The following ZNF385D variants were observed in gnomAD, a reference collection of about 807,000 sequenced individuals.
ZNF385D encodes zinc finger protein 385D, also known as zinc finger protein 659.
A neutral mutation model predicts 35.8 loss-of-function variants in ZNF385D; 15 were observed. The observed-to-expected ratio is 0.42, with a 90% CI of 0.28 to 0.64. The LOEUF is 0.64. Among genes scored for constraint, ZNF385D ranks in the 30% least tolerant of loss-of-function variants. The probability of loss-of-function intolerance (pLI) is 0.23; values close to 1 mark genes in which losing one functional copy is unlikely to be tolerated. For synonymous variants in ZNF385D, 212 were observed against 186.8 expected (o/e 1.13, Z -1.10); for missense variants, 474 against 494.6 (o/e 0.96, Z 0.39).
intron 3 of ZNF385D, among the ~76,000 whole-genome samples, chr3:22,164,054 T>A (rs1408073397): frequency 6.6e-6 from 1 of 152,146 alleles, no homozygotes; most frequent in African/African-American, 2.4e-5. Flanking sequence ...CAAAGGCACA[T>A]TTTAATAGTG....
intron 2 of ZNF385D, among the ~76,000 whole-genome samples, chr3:22,284,636 G>A (rs766971926): frequency 6.6e-6 from 1 of 151,952 alleles, no homozygotes; most frequent in Non-Finnish European, 1.5e-5. Flanking sequence ...AGCTGTAACT[G>A]AAAGGCCTAT....
chr3:22,144,059 G>A (rs1704690839), intron 3 of ZNF385D, among the ~76,000 whole-genome samples: 1 of 152,050 alleles, frequency 6.6e-6, no homozygotes. Context: ...AAATGTTGCT[G>A]GGGATATTTG....
At chr3:21,786,709 C>T (rs1272315953) in intron 3 of ZNF385D, among the ~76,000 whole-genome samples, 1 of 152,180 alleles carries the variant, frequency 6.6e-6, no homozygotes, top group East Asian at 1.9e-4. Context: ...ATTCATAAAA[C>T]CAAGTTGCAT....
At position 22,067,397 on chromosome 3, in the gene ZNF385D, C is replaced by A. The variant is rs561755767; in HGVS notation, c.325+101420G>T. Among the ~76,000 whole-genome samples, 58 of 152,240 alleles carry A rather than the reference C, an allele frequency of 3.8e-4. 1 individual carries two copies. In the South Asian group the frequency reaches 0.011, roughly 30 times the overall value. On this transcript the variant is annotated intron_variant, in intron 3 of 5. Transcript: ENST00000494108. ...TCATTTTATAGGTCACATAATGCAA[C>A]AGTTTATTTTAGCTCAGCAGGGCAA...
chr3:22,363,544 T>G (rs1559542540), intron 2 of ZNF385D, among the ~76,000 whole-genome samples: 1 of 152,184 alleles, frequency 6.6e-6, no homozygotes, highest in Non-Finnish European at 1.5e-5. Flanking sequence ...ATTCAATTCC[T>G]TCTTTATGAA....
intron 2 of ZNF385D, among the ~76,000 whole-genome samples, chr3:22,214,861 GCCTTGTGATATTCTATTA>G (rs67438149): frequency 0.19 from 28,503 of 151,712 alleles, 2,893 homozygotes; most frequent in African/African-American, 0.25. Context: ...GCCTCCATTT[GCCTTGTGATATTCTATTA>G]CCTTGTGAAG....
intron 2 of ZNF385D, among the ~76,000 whole-genome samples, chr3:22,336,909 C>CAAAACAAAAAAAA (rs1695186597): frequency 2.1e-5 from 1 of 47,952 alleles, no homozygotes; most frequent in African/African-American, 8.0e-5. Flanking sequence ...AGTGATTTTT[C>CAAAACAAAAAAAA]AAAAAAAAAA....
chr3:22,128,406 T>G (rs1703570003), intron 3 of ZNF385D, among the ~76,000 whole-genome samples: 1 of 152,332 alleles, frequency 6.6e-6, no homozygotes, highest in South Asian at 2.1e-4. Context: ...TATAACCTTC[T>G]TGTAGCTGAA....
chr3:21,671,651 AT>A (rs2066580120), intron 1 of ZNF385D, among the ~76,000 whole-genome samples: 1 of 152,214 alleles, frequency 6.6e-6, no homozygotes, highest in Admixed American at 6.5e-5. Context: ...CAACAATATG[AT>A]AAAAACAAAA....
At chr3:21,721,023 T>A (rs975741541) in intron 1 of ZNF385D, among the ~76,000 whole-genome samples, 4 of 152,292 alleles carry the variant, frequency 2.6e-5, no homozygotes, top group East Asian at 1.9e-4. Context: ...ATTTAATTTT[T>A]AAAAAACATA....
At chr3:22,262,604 GTAAC>G (rs1358766685) in intron 2 of ZNF385D, among the ~76,000 whole-genome samples, 2 of 151,828 alleles carry the variant, frequency 1.3e-5, no homozygotes, top group African/African-American at 4.8e-5. Flanking sequence ...TTTGGCAACT[GTAAC>G]TAAGAATACT....
chr3:21,971,809 G>T (rs866086634), intron 3 of ZNF385D, among the ~76,000 whole-genome samples: 1 of 151,882 alleles, frequency 6.6e-6, no homozygotes, highest in Non-Finnish European at 1.5e-5. Flanking sequence ...AAGAGCAGGA[G>T]TGGCTATCCT....
intron 3 of ZNF385D, among the ~76,000 whole-genome samples, chr3:21,514,623 T>C (rs1707444360): frequency 1.3e-5 from 2 of 151,934 alleles, no homozygotes; most frequent in African/African-American, 2.4e-5. Context: ...CAAATTCAAA[T>C]AGGACAAACA....
chr3:22,316,657 C>A (rs1467676418), intron 2 of ZNF385D, among the ~76,000 whole-genome samples: 1 of 152,158 alleles, frequency 6.6e-6, no homozygotes, highest in Non-Finnish European at 1.5e-5. Context: ...TTCCCCAAAA[C>A]TCAGCTTGAT....
intron 2 of ZNF385D, among the ~76,000 whole-genome samples, chr3:21,637,341 C>A (rs2065478926): frequency 6.6e-6 from 1 of 152,074 alleles, no homozygotes; most frequent in Admixed American, 6.6e-5. Flanking sequence ...ATCCCAGCAC[C>A]ATTTGTTGAA....
intron 3 of ZNF385D, among the ~76,000 whole-genome samples, chr3:22,089,197 GT>G (rs1701195351): frequency 6.6e-6 from 1 of 152,094 alleles, no homozygotes; most frequent in African/African-American, 2.4e-5. Flanking sequence ...TCTGTAAACT[GT>G]TTACCATTAG....
intron 3 of ZNF385D, among the ~76,000 whole-genome samples, chr3:22,068,455 T>C (rs1700070582): frequency 6.6e-6 from 1 of 152,194 alleles, no homozygotes. Context: ...TTTCTTTTTC[T>C]GTCTACTCCC....
chr3:21,881,712 G>A (rs1012860227), intron 3 of ZNF385D, among the ~76,000 whole-genome samples: 1 of 151,978 alleles, frequency 6.6e-6, no homozygotes, highest in Non-Finnish European at 1.5e-5. Context: ...TCCTCTGATG[G>A]ATCTGGGCAA....
At chr3:21,863,656 T>C (rs963037272) in intron 3 of ZNF385D, among the ~76,000 whole-genome samples, 3 of 152,024 alleles carry the variant, frequency 2.0e-5, no homozygotes, top group African/African-American at 7.2e-5. Context: ...TACTGAATAG[T>C]GGAAGAAAGT....
Sources: gnomAD v4.1 joint callset for allele counts (sites outside exome capture counted in the v4.1 genomes callset) on GRCh38, gnomAD v4.1.1 for gene constraint, MANE v1.5 for transcripts, NCBI Gene and HGNC (gene_info 2026-07-23, HGNC 2026-07-21) for gene names.